Variants in SNTG1 observed in about 807,000 individuals in gnomAD.
SNTG1 encodes gamma-1-syntrophin.
A neutral mutation model predicts 74.7 loss-of-function variants in SNTG1; 39 were observed. The ratio of observed to expected loss-of-function variants is 0.52; its 90% CI spans 0.40 to 0.68. The LOEUF (loss-of-function observed/expected upper bound fraction) is 0.68. Among genes scored for constraint, SNTG1 ranks in the 30% least tolerant of loss-of-function variants. The probability of loss-of-function intolerance (pLI) is 0.00; values close to 1 mark genes in which losing one functional copy is unlikely to be tolerated. For synonymous variants in SNTG1, 254 were observed against 217.1 expected (o/e 1.17, Z -1.49); for missense variants, 685 against 609.5 (o/e 1.12, Z -1.30).
At chr8:50,163,965 A>C (rs1241471999) in intron 1 of SNTG1, 1 of 152,158 alleles carries the variant, frequency 6.6e-6, no homozygotes, top group African/African-American at 2.4e-5. Flanking sequence ...TAGCACTGCA[A>C]ATTATTGAAC....
At chr8:50,214,147 C>T (rs1456333362) in intron 2 of SNTG1, among the ~76,000 whole-genome samples, 1 of 150,030 alleles carries the variant, frequency 6.7e-6, no homozygotes, top group Non-Finnish European at 1.5e-5. Flanking sequence ...TCTCAGTAAA[C>T]TATCACAAGA....
At chr8:50,570,415 C>T (rs1478252521) in intron 12 of SNTG1, among the ~76,000 whole-genome samples, 1 of 148,494 alleles carries the variant, frequency 6.7e-6, no homozygotes, top group African/African-American at 2.5e-5. Flanking sequence ...CACACCACCA[C>T]ACCCAGCTAA....
intron 9 of SNTG1, among the ~76,000 whole-genome samples, chr8:50,513,783 G>A (rs1430133623): frequency 6.6e-6 from 1 of 152,210 alleles, no homozygotes. Flanking sequence ...ATTAGGGTGG[G>A]AGTGACCCAA....
intron 1 of SNTG1, among the ~76,000 whole-genome samples, chr8:49,986,868 T>C (rs1813210741): frequency 6.6e-6 from 1 of 152,082 alleles, no homozygotes; most frequent in African/African-American, 2.4e-5. Flanking sequence ...AGCCACGGTC[T>C]CAAAATAGAT....
At chr8:50,675,705 G>A (rs186226680) in intron 15 of SNTG1, among the ~76,000 whole-genome samples, 1 of 151,968 alleles carries the variant, frequency 6.6e-6, no homozygotes, top group Admixed American at 6.6e-5. Flanking sequence ...TCATCATGAT[G>A]TTATCTGATT....
At chr8:50,374,488 G>T (rs903567633) in intron 2 of SNTG1, among the ~76,000 whole-genome samples, 3 of 152,142 alleles carry the variant, frequency 2.0e-5, no homozygotes, top group Non-Finnish European at 2.9e-5. Context: ...CAGCTCAACT[G>T]TTGTAAGGCG....
intron 2 of SNTG1, among the ~76,000 whole-genome samples, chr8:50,355,943 TG>T (rs2091804515): frequency 6.6e-6 from 1 of 152,174 alleles, no homozygotes; most frequent in Non-Finnish European, 1.5e-5. Flanking sequence ...TCCTTCTGAG[TG>T]GCAGGGAGTT....
chr8:50,254,763 T>G (rs1408364388), intron 2 of SNTG1, among the ~76,000 whole-genome samples: 1 of 151,796 alleles, frequency 6.6e-6, no homozygotes, highest in Non-Finnish European at 1.5e-5. Context: ...GGAGAATCAC[T>G]TGAACCTGGG....
intron 2 of SNTG1, among the ~76,000 whole-genome samples, chr8:50,205,700 G>A (rs1231491721): frequency 6.6e-6 from 1 of 152,100 alleles, no homozygotes; most frequent in African/African-American, 2.4e-5. Flanking sequence ...TATGGTTTTA[G>A]GTCTAACATG....
intron 12 of SNTG1, among the ~76,000 whole-genome samples, chr8:50,584,924 C>T (rs1373217975): frequency 6.6e-6 from 1 of 152,056 alleles, no homozygotes; most frequent in African/African-American, 2.4e-5. Context: ...TTGTTTGTTT[C>T]TCTCTGCCTG....
In SNTG1 at chr8:50,012,749, A is replaced by G. The variant is rs191430618; in HGVS notation, c.-103+100518A>G. Among the ~76,000 whole-genome samples the G allele has an allele frequency of 3.3e-5, 5 of 152,126 alleles. No individual in the cohort carries two copies. In the East Asian group the frequency reaches 7.8e-4, roughly 24 times the overall value. ...AGGGGAGCTGTGGGCAAGAGTCTTTATTGTGGTTTGTCTGTGAAGGAATGG... is the reference window on the plus strand; with the variant it reads ...AGGGGAGCTGTGGGCAAGAGTCTTTGTTGTGGTTTGTCTGTGAAGGAATGG... On this transcript the variant is annotated intron_variant, in intron 1 of 18. Coordinates refer to ENST00000642720, the MANE Select transcript of SNTG1 (RefSeq NM_018967.5).
chr8:50,095,443 T>C (rs1459420013), intron 1 of SNTG1, among the ~76,000 whole-genome samples: 3 of 152,196 alleles, frequency 2.0e-5, no homozygotes, highest in African/African-American at 7.2e-5. Context: ...AGAAAGTCAT[T>C]CTGGACAGTA....
At chr8:49,916,133 C>A (rs1426480403) in intron 1 of SNTG1, among the ~76,000 whole-genome samples, 1 of 151,144 alleles carries the variant, frequency 6.6e-6, no homozygotes, top group Non-Finnish European at 1.5e-5. Flanking sequence ...ATTGCACCAG[C>A]GATAAAAAAT....
intron 1 of SNTG1, among the ~76,000 whole-genome samples, chr8:49,922,142 A>T (rs1454249033): frequency 6.6e-6 from 1 of 152,102 alleles, no homozygotes; most frequent in African/African-American, 2.4e-5. Context: ...CGGCTCAATG[A>T]CCTGGAAGAT....
chr8:50,372,456 A>G (rs1332665527), intron 2 of SNTG1, among the ~76,000 whole-genome samples: 1 of 152,002 alleles, frequency 6.6e-6, no homozygotes, highest in Non-Finnish European at 1.5e-5. Context: ...CTGTGGTAGA[A>G]GAAGTTCTGG....
chr8:49,979,260 C>T (rs747471377), intron 1 of SNTG1, among the ~76,000 whole-genome samples: 1 of 152,194 alleles, frequency 6.6e-6, no homozygotes, highest in Non-Finnish European at 1.5e-5. Context: ...GAGTGTCCTC[C>T]TCGGGGACTG....
At chr8:50,279,261 C>A (rs948433296) in intron 2 of SNTG1, among the ~76,000 whole-genome samples, 1 of 152,042 alleles carries the variant, frequency 6.6e-6, no homozygotes, top group African/African-American at 2.4e-5. Context: ...CATAAGAAAT[C>A]AATAAACATG....
intron 18 of SNTG1, among the ~76,000 whole-genome samples, chr8:50,779,225 T>C (rs2095650807): frequency 6.6e-6 from 1 of 152,192 alleles, no homozygotes; most frequent in Admixed American, 6.5e-5. Context: ...AGTAGTTTTT[T>C]CCAATTCTGT....
At chr8:50,778,941 T>C (rs1261543300) in intron 18 of SNTG1, among the ~76,000 whole-genome samples, 1 of 152,122 alleles carries the variant, frequency 6.6e-6, no homozygotes, top group African/African-American at 2.4e-5. Context: ...GTTTTCCCAG[T>C]ACCATTTATT....
Sources: gnomAD v4.1 joint callset for allele counts (sites outside exome capture counted in the v4.1 genomes callset) on GRCh38, gnomAD v4.1.1 for gene constraint, MANE v1.5 for transcripts, NCBI Gene and HGNC (gene_info 2026-07-23, HGNC 2026-07-21) for gene names.